The following TIAM1 variants were observed in gnomAD, a reference collection of about 807,000 sequenced individuals.
The protein encoded by TIAM1 is rho guanine nucleotide exchange factor TIAM1.
A neutral mutation model predicts 163.5 loss-of-function variants in TIAM1; 65 were observed. The observed-to-expected ratio is 0.40, with a 90% CI of 0.33 to 0.49. The LOEUF (loss-of-function observed/expected upper bound fraction) is 0.49, where lower values mean the gene tolerates loss of function less well. Among genes scored for constraint, TIAM1 ranks in the 20% least tolerant of loss-of-function variants. The pLI is 0.77. For missense variants in TIAM1, 1,789 were observed against 2,044.7 expected (o/e 0.87, Z 2.41); for synonymous variants, 833 against 810.1 (o/e 1.03, Z -0.48).
At chr21:31,298,501 G>A (rs1239116134) in intron 2 of TIAM1, among the ~76,000 whole-genome samples, 1 of 152,124 alleles carries the variant, frequency 6.6e-6, no homozygotes, top group South Asian at 2.1e-4. Context: ...AGTGATCAAG[G>A]TGTTTACTTA....
chr21:31,153,261 G>T, intron 17 of TIAM1, 127 bp from the exon 18 acceptor site: 1 of 713,122 alleles, frequency 1.4e-6, no homozygotes, highest in Non-Finnish European at 2.1e-6. Flanking sequence ...ATCCTGTCCC[G>T]AAGGCTAACG....
intron 15 of TIAM1, among the ~76,000 whole-genome samples, chr21:31,173,705 TTC>T (rs2084631422): frequency 6.6e-6 from 1 of 152,216 alleles, no homozygotes; most frequent in African/African-American, 2.4e-5. Context: ...AAATAGTAAC[TTC>T]TTTTTAGTCA....
intron 13 of TIAM1, among the ~76,000 whole-genome samples, chr21:31,187,804 A>G (rs1452125826): frequency 6.6e-6 from 1 of 152,192 alleles, no homozygotes; most frequent in Non-Finnish European, 1.5e-5. Flanking sequence ...CTCTATGGTT[A>G]CAAGTCCTGG....
intron 15 of TIAM1, among the ~76,000 whole-genome samples, chr21:31,166,313 A>C (rs1016976056): frequency 6.6e-6 from 1 of 152,332 alleles, no homozygotes; most frequent in Admixed American, 6.5e-5. Context: ...ATAACCAGAC[A>C]AGAGAGAAGG....
intron 10 of TIAM1, among the ~76,000 whole-genome samples, chr21:31,210,681 A>AGGAAGGAAGGG (rs2086776106): frequency 1.2e-5 from 1 of 80,616 alleles, no homozygotes; most frequent in African/African-American, 6.3e-5. Context: ...GAAAGAAAGA[A>AGGAAGGAAGGG]AGAAAAAGAA....
chr21:31,497,845 T>C (rs919112722), intron 1 of TIAM1, among the ~76,000 whole-genome samples: 3 of 152,188 alleles, frequency 2.0e-5, no homozygotes, highest in African/African-American at 7.2e-5. Flanking sequence ...AAGGGCGCAT[T>C]CCAGACAAGT....
At position 31,241,581 on chromosome 21, in the gene TIAM1, C is replaced by T. The variant is rs752604937; in HGVS notation, c.1584+3907G>A. Among the ~76,000 whole-genome samples the T allele has an allele frequency of 4.6e-5, 7 of 152,080 alleles. No homozygotes were observed. In the East Asian group the frequency reaches 5.8e-4, roughly 13 times the overall value. ...CTAAACAAAGAAGCACTATCACCAC[C>T]GATAATCAACAACAATAGCAAATCC... On this transcript the variant is annotated intron_variant, in intron 6 of 27. Transcript: ENST00000541036.
At chr21:31,134,163 G>C (rs2082526769) in intron 23 of TIAM1, among the ~76,000 whole-genome samples, 1 of 152,074 alleles carries the variant, frequency 6.6e-6, no homozygotes, top group African/African-American at 2.4e-5. Context: ...TAAATCTCTT[G>C]ATTTCTAACT....
rs542956793 is a variant in TIAM1, at chr21:31,423,556, C to CT, written c.-369+40426dup. The stretch of plus-strand genomic sequence containing the variant: ...GCATACTAATTCACTTAATGTCCAT[C>CT]TTCCCCACAAGCCTGTGAGCTCTCT... On this transcript the variant is annotated intron_variant, in intron 2 of 28. Coordinates refer to the TIAM1 transcript ENST00000286827. Among the ~76,000 whole-genome samples the CT allele has an allele frequency of 7.7e-4, 117 of 152,154 alleles. 1 individual carries two copies. The highest frequency in any genetic ancestry group is 2.5e-3 in the African/African-American group (103 of 41,530).
At chr21:31,342,479 T>G (rs1000703041) in intron 1 of TIAM1, among the ~76,000 whole-genome samples, 2 of 152,260 alleles carry the variant, frequency 1.3e-5, no homozygotes, top group African/African-American at 4.8e-5. Context: ...AACAGTCACA[T>G]GTGACAATAT....
chr21:31,397,225 A>T (rs951519554), intron 2 of TIAM1, among the ~76,000 whole-genome samples: 80 of 152,294 alleles, frequency 5.3e-4, no homozygotes, highest in African/African-American at 1.9e-3. Context: ...CTCTGAAGAG[A>T]TATGATCTCT....
chr21:31,332,289 T>G (rs1009757782), intron 2 of TIAM1, among the ~76,000 whole-genome samples: 1 of 152,166 alleles, frequency 6.6e-6, no homozygotes, highest in Non-Finnish European at 1.5e-5. Flanking sequence ...TGCAGCACTA[T>G]CAAGCTAAAA....
rs536444411 is a variant in TIAM1, at chr21:31,301,826, G to A, written c.-188-24918C>T. 1.3e-4 allele frequency among the ~76,000 whole-genome samples: 19 copies of A among 149,852 alleles called. 1 individual carries two copies. Among genetic ancestry groups the A allele is most frequent in the Non-Finnish European group, 2.7e-4 (18 of 67,612 alleles). On this transcript the variant is annotated intron_variant, in intron 2 of 27. Coordinates refer to ENST00000541036, the MANE Select transcript of TIAM1 (RefSeq NM_001353694.2). ...TTGCACTCCAGTCTGGGCAACAAGAGTGAAACTCCATCTCAAAATAAATAG... is the reference window on the plus strand; with the variant it reads ...TTGCACTCCAGTCTGGGCAACAAGAATGAAACTCCATCTCAAAATAAATAG...
chr21:31,119,822 A>AG lies in TIAM1; in HGVS notation c.*545dup, dbSNP rs397935109. On this transcript the variant is annotated 3_prime_UTR_variant, in exon 28 of 28. Coordinates refer to ENST00000541036, the MANE Select transcript of TIAM1 (RefSeq NM_001353694.2). ...ACCAAAACAGGAAGGAAAAAAAAAA[A>AG]GAGGCTCATTGAAACATGAATCGCC... 1.3e-5 allele frequency: 2 copies of AG among 152,118 alleles called. No individual in the cohort carries two copies. Among genetic ancestry groups the AG allele is most frequent in the Non-Finnish European group, 2.9e-5 (2 of 68,060 alleles). The allele number at this position is 152,118 out of a possible 1,614,324, so 9.4% of individuals were successfully genotyped here.
intron 1 of TIAM1, among the ~76,000 whole-genome samples, chr21:31,466,686 T>C (rs1323852622): frequency 2.6e-5 from 4 of 152,126 alleles, no homozygotes; most frequent in Non-Finnish European, 5.9e-5. Context: ...CGAAGCTCAG[T>C]GGGGTGAGTT....
intron 1 of TIAM1, among the ~76,000 whole-genome samples, chr21:31,515,335 AG>A (rs1255600333): frequency 6.6e-6 from 1 of 152,212 alleles, no homozygotes; most frequent in Non-Finnish European, 1.5e-5. Flanking sequence ...TCCCTGGACC[AG>A]TGGCATCAAT....
intron 2 of TIAM1, among the ~76,000 whole-genome samples, chr21:31,375,319 T>C (rs1171098288): frequency 6.6e-6 from 1 of 152,174 alleles, no homozygotes; most frequent in Admixed American, 6.5e-5. Context: ...AAATGTGGTG[T>C]TTGGGTACAA....
rs535293811 is a variant in TIAM1, at chr21:31,231,364, G to A, written c.1585-5414C>T. Among the ~76,000 whole-genome samples, 13 of 152,272 alleles carry A rather than the reference G, an allele frequency of 8.5e-5. No homozygotes were observed. The South Asian group carries it at 2.7e-3, about 32-fold the overall frequency. On this transcript the variant is annotated intron_variant, in intron 6 of 27. Transcript: ENST00000541036. ...CCTCAAACATAACGGAGTCTGTGTA[G>A]TGCACTTGGAACCCCAAGAAAGACC... is the stretch of plus-strand genomic sequence containing the variant.
At chr21:31,420,026 G>A (rs747286722) in intron 2 of TIAM1, among the ~76,000 whole-genome samples, 11 of 152,140 alleles carry the variant, frequency 7.2e-5, no homozygotes, top group Non-Finnish European at 1.0e-4. Flanking sequence ...TCCAGCCTGG[G>A]CAACAAAAGC....
Sources: gnomAD v4.1 joint callset for allele counts (sites outside exome capture counted in the v4.1 genomes callset) on GRCh38, gnomAD v4.1.1 for gene constraint, MANE v1.5 for transcripts, NCBI Gene and HGNC (gene_info 2026-07-23, HGNC 2026-07-21) for gene names.